The following CSMD1 variants were observed in gnomAD, a reference collection of about 807,000 sequenced individuals.
CSMD1 encodes the protein CUB and sushi domain-containing protein 1.
A neutral mutation model predicts 417.5 loss-of-function variants in CSMD1; 213 were observed. That is an observed-to-expected ratio of 0.51 (90% confidence interval 0.46 to 0.57). The LOEUF (loss-of-function observed/expected upper bound fraction) is 0.57, where lower values mean the gene tolerates loss of function less well. Among genes scored for constraint, CSMD1 ranks in the 20% least tolerant of loss-of-function variants. The pLI, the probability that CSMD1 is intolerant of heterozygous loss-of-function variation, is 0.00. For synonymous variants in CSMD1, 2,862 were observed against 1,736.8 expected (o/e 1.65, Z -16.11); for missense variants, 6,923 against 4,529.7 (o/e 1.53, Z -15.17).
At chr8:3,540,324 G>C (rs1353337459) in intron 10 of CSMD1, among the ~76,000 whole-genome samples, 5 of 152,102 alleles carry the variant, frequency 3.3e-5, no homozygotes, top group Admixed American at 1.3e-4. Flanking sequence ...GAAATACCTG[G>C]AAATCTTGCA....
chr8:4,249,389 A>C (rs761282762), intron 3 of CSMD1, among the ~76,000 whole-genome samples: 2 of 152,210 alleles, frequency 1.3e-5, no homozygotes. Flanking sequence ...ATTCCACAGA[A>C]AACAACTTTT....
At chr8:4,422,950 AG>A (rs1253140268) in intron 2 of CSMD1, among the ~76,000 whole-genome samples, 3 of 152,042 alleles carry the variant, frequency 2.0e-5, no homozygotes, top group South Asian at 2.1e-4. Context: ...TAATCTATGT[AG>A]AAAAAAACAT....
At chr8:3,848,371 A>T (rs1036270895) in intron 5 of CSMD1, among the ~76,000 whole-genome samples, 2 of 151,922 alleles carry the variant, frequency 1.3e-5, no homozygotes. Flanking sequence ...AAAAAGACTC[A>T]TTTTTTTTCT....
At chr8:3,850,683 C>T (rs933427296) in intron 5 of CSMD1, among the ~76,000 whole-genome samples, 26 of 151,630 alleles carry the variant, frequency 1.7e-4, no homozygotes, top group African/African-American at 5.8e-4. Flanking sequence ...TGACAGAGTG[C>T]GACTCTGTCT....
At chr8:4,035,268 A>C (rs1797557879) in intron 3 of CSMD1, among the ~76,000 whole-genome samples, 1 of 152,182 alleles carries the variant, frequency 6.6e-6, no homozygotes, top group South Asian at 2.1e-4. Context: ...CAGTCATACA[A>C]ATCTTCAGCA....
chr8:3,798,305 G>C (rs1190973312), intron 5 of CSMD1, among the ~76,000 whole-genome samples: 1 of 151,894 alleles, frequency 6.6e-6, no homozygotes, highest in Non-Finnish European at 1.5e-5. Flanking sequence ...TAGGATTAGT[G>C]CTTCGTCTAT....
chr8:3,077,955 C>G (rs531564941), intron 49 of CSMD1, among the ~76,000 whole-genome samples: 4 of 152,218 alleles, frequency 2.6e-5, no homozygotes, highest in Non-Finnish European at 5.9e-5. Flanking sequence ...TCTGGGCTGA[C>G]TTTTTCATCT....
chr8:4,648,908 C>T (rs556798893), intron 1 of CSMD1, among the ~76,000 whole-genome samples: 6 of 152,264 alleles, frequency 3.9e-5, no homozygotes, highest in East Asian at 1.9e-4. Context: ...TCCGCATATA[C>T]GTAAATCAAT....
At chr8:4,760,206 T>G (rs929025375) in intron 1 of CSMD1, among the ~76,000 whole-genome samples, 4 of 152,234 alleles carry the variant, frequency 2.6e-5, no homozygotes, top group East Asian at 1.9e-4. Flanking sequence ...CTAATAAATC[T>G]ATGTAATTAT....
intron 33 of CSMD1, among the ~76,000 whole-genome samples, chr8:3,198,760 T>C (rs889436516): frequency 7.9e-5 from 12 of 152,168 alleles, no homozygotes; most frequent in African/African-American, 2.9e-4. Context: ...TCCACCTTTT[T>C]AAAAAATACG....
chr8:4,340,086 G>C (rs1006625995), intron 3 of CSMD1, among the ~76,000 whole-genome samples: 1 of 152,106 alleles, frequency 6.6e-6, no homozygotes, highest in Non-Finnish European at 1.5e-5. Context: ...GTAAGTATTA[G>C]AGAAATTAGA....
intron 5 of CSMD1, among the ~76,000 whole-genome samples, chr8:3,909,037 G>A (rs150673628): frequency 6.6e-6 from 1 of 152,138 alleles, no homozygotes; most frequent in Non-Finnish European, 1.5e-5. Flanking sequence ...TTCACATTGT[G>A]GGTGAAATGC....
intron 1 of CSMD1, among the ~76,000 whole-genome samples, chr8:4,726,165 A>G: frequency 6.6e-6 from 1 of 152,040 alleles, no homozygotes; most frequent in African/African-American, 2.4e-5. Flanking sequence ...TGAATACAAA[A>G]CCTACAGTTG....
chr8:3,499,549 G>T (rs1422875942), intron 10 of CSMD1, among the ~76,000 whole-genome samples: 2 of 152,050 alleles, frequency 1.3e-5, no homozygotes, highest in Non-Finnish European at 2.9e-5. Flanking sequence ...GCCAGTCCTT[G>T]GTCTCCTGCA....
chr8:4,162,373 G>C (rs368114819), intron 3 of CSMD1, among the ~76,000 whole-genome samples: 86 of 152,188 alleles, frequency 5.7e-4, no homozygotes, highest in African/African-American at 1.9e-3. Context: ...ATGTTCAAAT[G>C]TTTTTTGGTT....
rs1429647815 is a variant in CSMD1 at position 4,485,016 on chromosome 8, AAAAAG to A, written c.303-64956_303-64952del. Among the ~76,000 whole-genome samples the A allele has an allele frequency of 5.3e-4, 69 of 130,866 alleles. 2 individuals are homozygous for A. The highest frequency in any genetic ancestry group is 1.2e-3 in the South Asian group (5 of 4,040). The allele number at this position is 130,866 out of a possible 152,430, so 85.9% of individuals were successfully genotyped here. A position where few individuals can be genotyped will look rare whatever the true frequency, so the allele number is the denominator to read the frequency against. Reference sequence around the variant, plus strand: ...AAAAAAAAAAAAAAAAAAAAAAAAAAAAAAGAAAGAGTCACTATGACATATGGCTT... The same window carrying A: ...AAAAAAAAAAAAAAAAAAAAAAAAAAAAAGAGTCACTATGACATATGGCTT... On this transcript the variant is annotated intron_variant, in intron 2 of 69. Transcript: ENST00000635120.
chr8:3,336,350 A>T (rs769107065), intron 23 of CSMD1, among the ~76,000 whole-genome samples: 1 of 152,156 alleles, frequency 6.6e-6, no homozygotes, highest in Non-Finnish European at 1.5e-5. Flanking sequence ...ATGCCAAGAG[A>T]CATGTGTCAC....
At chr8:4,243,019 A>G (rs958492398) in intron 3 of CSMD1, among the ~76,000 whole-genome samples, 7 of 152,198 alleles carry the variant, frequency 4.6e-5, no homozygotes, top group African/African-American at 1.7e-4. Flanking sequence ...AAGGAAACAG[A>G]CTAGAATGGC....
At chr8:4,714,342 G>T (rs945380344) in intron 1 of CSMD1, among the ~76,000 whole-genome samples, 33 of 151,892 alleles carry the variant, frequency 2.2e-4, no homozygotes, top group African/African-American at 7.2e-4. Flanking sequence ...CAAAGTTTGG[G>T]GTCAGGGGGT....
Sources: gnomAD v4.1 joint callset for allele counts (sites outside exome capture counted in the v4.1 genomes callset) on GRCh38, gnomAD v4.1.1 for gene constraint, MANE v1.5 for transcripts, NCBI Gene and HGNC (gene_info 2026-07-23, HGNC 2026-07-21) for gene names.